FHIT: variants seen among roughly 807,000 people sequenced by gnomAD.
The protein encoded by FHIT is fragile histidine triad diadenosine triphosphatase.
In FHIT, 19 loss-of-function variants were observed where a neutral mutation model predicts 17.9. That is an observed-to-expected ratio of 1.06 (90% CI 0.74 to 1.56). FHIT has a LOEUF of 1.56. Ranked by LOEUF, FHIT falls within the 40% of genes most tolerant of loss-of-function variation. FHIT has a pLI of 0.00. For missense variants in FHIT, 248 were observed against 189.2 expected, an observed-to-expected ratio of 1.31 and a Z score of -1.82; for synonymous variants, 81 against 69.7, an observed-to-expected ratio of 1.16 and a Z score of -0.81.
intron 5 of FHIT, among the ~76,000 whole-genome samples, chr3:60,080,571 A>G (rs1703233686): frequency 6.6e-6 from 1 of 152,148 alleles, no homozygotes. Flanking sequence ...ACTTCTTTAT[A>G]CAATAAATTC....
At chr3:60,275,089 ATTCAAG>A (rs1244045042) in intron 5 of FHIT, among the ~76,000 whole-genome samples, 1 of 152,082 alleles carries the variant, frequency 6.6e-6, no homozygotes, top group Non-Finnish European at 1.5e-5. Context: ...TATTTTAAGG[ATTCAAG>A]TTCATTTATT....
chr3:60,357,225 T>C (rs1018075789), intron 5 of FHIT, among the ~76,000 whole-genome samples: 1 of 152,174 alleles, frequency 6.6e-6, no homozygotes, highest in Admixed American at 6.6e-5. Flanking sequence ...TGTTTGTTTC[T>C]GAGATGGAGT....
At chr3:59,922,639 A>G (rs1189355273) in intron 7 of FHIT, among the ~76,000 whole-genome samples, 1 of 152,106 alleles carries the variant, frequency 6.6e-6, no homozygotes, top group African/African-American at 2.4e-5. Context: ...GTTGGTGCGA[A>G]ATGCTAGAGT....
chr3:60,520,990 C>T (rs2035337816), intron 5 of FHIT, among the ~76,000 whole-genome samples: 1 of 152,078 alleles, frequency 6.6e-6, no homozygotes. Context: ...AGGCTCATAT[C>T]AAATGCCTAT....
chr3:59,868,840 GAGA>G (rs956298394), intron 8 of FHIT, among the ~76,000 whole-genome samples: 8 of 152,098 alleles, frequency 5.3e-5, no homozygotes, highest in Admixed American at 1.3e-4. Context: ...GAAGGAGAAG[GAGA>G]AGAAGAAAAA....
intron 4 of FHIT, among the ~76,000 whole-genome samples, chr3:60,569,755 A>ATTTTTTTTTTTT (rs1553654909): frequency 1.3e-5 from 1 of 77,338 alleles, no homozygotes; most frequent in African/African-American, 4.8e-5. Context: ...ATATATATAT[A>ATTTTTTTTTTTT]TTTTTTTTTT....
intron 4 of FHIT, among the ~76,000 whole-genome samples, chr3:60,782,235 GTGTATATA>G (rs1248690495): frequency 2.6e-5 from 2 of 76,224 alleles, no homozygotes; most frequent in Admixed American, 1.3e-4. Flanking sequence ...GTGTGTGTGT[GTGTATATA>G]TATATATATA....
intron 4 of FHIT, among the ~76,000 whole-genome samples, chr3:60,574,218 G>A (rs1047460028): frequency 6.6e-6 from 1 of 152,112 alleles, no homozygotes; most frequent in Admixed American, 6.6e-5. Flanking sequence ...TCAAGACACT[G>A]TGAGCCCTCT....
chr3:60,244,680 T>G (rs1272112537), intron 5 of FHIT, among the ~76,000 whole-genome samples: 2 of 152,106 alleles, frequency 1.3e-5, no homozygotes, highest in Admixed American at 6.6e-5. Context: ...TTCTGAATTG[T>G]GCTCAACAGT....
At chr3:61,019,756 C>G (rs1299425392) in intron 3 of FHIT, among the ~76,000 whole-genome samples, 3 of 152,184 alleles carry the variant, frequency 2.0e-5, no homozygotes, top group African/African-American at 4.8e-5. Flanking sequence ...ACTCAGAGCT[C>G]TCTGTGAAAA....
rs772043352 is a variant in FHIT, at chr3:61,209,248, A to C, written c.-212-8583T>G. Among the ~76,000 whole-genome samples, 41 of 152,120 alleles carry C rather than the reference A, an allele frequency of 2.7e-4. 1 individual carries two copies. Among genetic ancestry groups the C allele is most frequent in the East Asian group, 1.5e-3 (8 of 5,178 alleles). On this transcript the variant is annotated intron_variant, in intron 1 of 9. Coordinates refer to ENST00000492590, the MANE Select transcript of FHIT (RefSeq NM_002012.4). ...GACCTTTCTCTCTGGCTGCCCTTAA[A>C]ATTTTTTACTTCATTTCAACTTTGG... is the stretch of plus-strand genomic sequence containing the variant.
intron 4 of FHIT, among the ~76,000 whole-genome samples, chr3:60,604,152 T>C (rs920338688): frequency 3.3e-5 from 5 of 152,044 alleles, no homozygotes; most frequent in Admixed American, 6.6e-5. Context: ...AATACAAGGA[T>C]TTACATTTAG....
At chr3:60,452,344 G>A (rs2031805673) in intron 5 of FHIT, among the ~76,000 whole-genome samples, 1 of 152,102 alleles carries the variant, frequency 6.6e-6, no homozygotes. Flanking sequence ...GGTTTAAAGT[G>A]GCCCCATTTG....
At chr3:60,439,415 C>T (rs1226449050) in intron 5 of FHIT, among the ~76,000 whole-genome samples, 2 of 152,124 alleles carry the variant, frequency 1.3e-5, no homozygotes, top group Non-Finnish European at 2.9e-5. Flanking sequence ...TTCTACTGTG[C>T]TCTGTGCAAA....
At chr3:59,786,704 T>C (rs1264138669) in intron 8 of FHIT, among the ~76,000 whole-genome samples, 10 of 152,252 alleles carry the variant, frequency 6.6e-5, no homozygotes, top group African/African-American at 2.4e-5. Flanking sequence ...CACAGCCTCT[T>C]GTTGGAAACT....
chr3:61,206,906 A>T (rs186998663), intron 1 of FHIT, among the ~76,000 whole-genome samples: 1,940 of 152,282 alleles, frequency 0.013, 21 homozygotes, highest in Non-Finnish European at 0.018. Flanking sequence ...CAGTTTTCAA[A>T]GGGAATGCCT....
intron 5 of FHIT, among the ~76,000 whole-genome samples, chr3:60,387,382 A>G (rs1391301318): frequency 1.3e-5 from 2 of 151,976 alleles, no homozygotes; most frequent in Admixed American, 1.3e-4. Flanking sequence ...TATACTTCCT[A>G]AGGAATGGAC....
chr3:59,979,665 T>C (rs1348575800), intron 7 of FHIT, among the ~76,000 whole-genome samples: 1 of 152,118 alleles, frequency 6.6e-6, no homozygotes, highest in Non-Finnish European at 1.5e-5. Flanking sequence ...ATGGGGCACA[T>C]TGAAACTCTA....
intron 5 of FHIT, among the ~76,000 whole-genome samples, chr3:60,225,077 C>A (rs79089556): frequency 1.3e-4 from 20 of 152,120 alleles, no homozygotes; most frequent in African/African-American, 3.9e-4. Context: ...AGTCTTCCCC[C>A]CAAGCTAGGT....
Sources: allele counts gnomAD v4.1 joint callset (sites outside exome capture counted in the v4.1 genomes callset), GRCh38; gene constraint gnomAD v4.1.1; transcripts MANE v1.5; gene names NCBI Gene and HGNC (gene_info 2026-07-23, HGNC 2026-07-21).